Variants in ERBB4 observed in about 807,000 individuals in gnomAD.
ERBB4 encodes the protein receptor tyrosine-protein kinase erbB-4.
Under a neutral mutation model 158.0 loss-of-function variants are expected in ERBB4, and 42 were observed. The observed-to-expected ratio is 0.27, with a 90% CI of 0.21 to 0.34. The LOEUF (loss-of-function observed/expected upper bound fraction) is 0.34, where lower values mean the gene tolerates loss of function less well. Among genes scored for constraint, ERBB4 ranks in the 10% least tolerant of loss-of-function variants. ERBB4 has a pLI of 1.00. For synonymous variants in ERBB4, 583 were observed against 558.7 expected (o/e 1.04, Z -0.61); for missense variants, 1,333 against 1,624.1 (o/e 0.82, Z 3.08).
At position 212,398,779 on chromosome 2, in the gene ERBB4, TA is replaced by T. The variant is rs556487572; in HGVS notation, c.82+139669del. Among the ~76,000 whole-genome samples the T allele has an allele frequency of 6.0e-3, 911 of 151,204 alleles. 6 individuals carry two copies. Among genetic ancestry groups the T allele is most frequent in the Middle Eastern group, 0.017 (5 of 294 alleles). ...AAGCATTTAATGAGGAATCTCATCT[TA>T]AAAAAAAAGTGATTACACCAACTCA... On this transcript the variant is annotated intron_variant, in intron 1 of 27. Transcript: ENST00000342788.
chr2:211,626,969 G>T (rs1574882553), intron 17 of ERBB4, among the ~76,000 whole-genome samples: 1 of 124,906 alleles, frequency 8.0e-6, no homozygotes, highest in East Asian at 2.4e-4. Flanking sequence ...AAAAAAAAAA[G>T]TGTGTGTTTA....
chr2:211,639,000 A>G (rs978423851), intron 16 of ERBB4, among the ~76,000 whole-genome samples: 17 of 152,126 alleles, frequency 1.1e-4, no homozygotes, highest in African/African-American at 3.4e-4. Context: ...GAATTTCTAC[A>G]CCCAGGATTT....
chr2:211,833,240 A>T (rs1481770003), intron 3 of ERBB4, among the ~76,000 whole-genome samples: 2 of 152,056 alleles, frequency 1.3e-5, no homozygotes, highest in Non-Finnish European at 2.9e-5. Context: ...GCACATAAGT[A>T]CTCTAGAAAT....
chr2:211,508,865 G>C (rs1376528132), intron 20 of ERBB4, among the ~76,000 whole-genome samples: 1 of 152,072 alleles, frequency 6.6e-6, no homozygotes, highest in African/African-American at 2.4e-5. Flanking sequence ...AGGAGGCGGA[G>C]CTTGCAGTGA....
At chr2:212,256,476 A>G (rs1362905242) in intron 1 of ERBB4, among the ~76,000 whole-genome samples, 2 of 152,156 alleles carry the variant, frequency 1.3e-5, no homozygotes, top group Non-Finnish European at 2.9e-5. Flanking sequence ...TGCATTACCA[A>G]AATGGAAATG....
At chr2:211,387,519 GA>G (rs1298885383) in intron 26 of ERBB4, among the ~76,000 whole-genome samples, 1 of 152,082 alleles carries the variant, frequency 6.6e-6, no homozygotes, top group East Asian at 1.9e-4. Context: ...TTGTCATTAA[GA>G]ATAGAAGTAC....
At chr2:211,519,151 TGG>T (rs1231175167) in intron 20 of ERBB4, among the ~76,000 whole-genome samples, 1 of 152,102 alleles carries the variant, frequency 6.6e-6, no homozygotes, top group Non-Finnish European at 1.5e-5. Context: ...CCAAGCATCT[TGG>T]TGGTAAATGA....
chr2:212,452,188 C>T (rs972488), intron 1 of ERBB4, among the ~76,000 whole-genome samples: 19,291 of 151,940 alleles, frequency 0.13, 1,353 homozygotes, highest in Non-Finnish European at 0.16. Flanking sequence ...TCATGCCAGC[C>T]TAATGACCTT....
intron 1 of ERBB4, among the ~76,000 whole-genome samples, chr2:212,452,105 G>A (rs1407506361): frequency 6.6e-6 from 1 of 151,272 alleles, no homozygotes; most frequent in Non-Finnish European, 1.5e-5. Flanking sequence ...AATGTCATGA[G>A]TAGAGCAGAA....
At chr2:211,999,309 A>C (rs895478246) in intron 2 of ERBB4, among the ~76,000 whole-genome samples, 4 of 151,826 alleles carry the variant, frequency 2.6e-5, no homozygotes, top group African/African-American at 7.2e-5. Flanking sequence ...ATTAGCATCA[A>C]TCAATTTTTT....
At chr2:211,915,019 G>A (rs2079648283) in intron 3 of ERBB4, among the ~76,000 whole-genome samples, 1 of 152,108 alleles carries the variant, frequency 6.6e-6, no homozygotes, top group South Asian at 2.1e-4. Flanking sequence ...GCAGGCATGT[G>A]AAAAGGTTAG....
At chr2:211,983,679 T>C (rs1211273023) in intron 2 of ERBB4, among the ~76,000 whole-genome samples, 1 of 152,140 alleles carries the variant, frequency 6.6e-6, no homozygotes, top group Non-Finnish European at 1.5e-5. Flanking sequence ...TGACATTTGG[T>C]TTAAAGTGTT....
intron 13 of ERBB4, among the ~76,000 whole-genome samples, chr2:211,676,470 A>C (rs1352155275): frequency 6.6e-6 from 1 of 152,214 alleles, no homozygotes; most frequent in African/African-American, 2.4e-5. Flanking sequence ...TAGAAATGAG[A>C]TAGAAACTGG....
At chr2:211,516,837 T>A (rs2066047229) in intron 20 of ERBB4, among the ~76,000 whole-genome samples, 1 of 152,038 alleles carries the variant, frequency 6.6e-6, no homozygotes, top group Admixed American at 6.5e-5. Context: ...TGAGTAACAG[T>A]GATGTGACCA....
At chr2:212,499,742 A>T (rs945516281) in intron 1 of ERBB4, among the ~76,000 whole-genome samples, 4 of 152,120 alleles carry the variant, frequency 2.6e-5, no homozygotes, top group African/African-American at 9.6e-5. Context: ...GAAATTTGGT[A>T]AAGAAGCTGG....
At chr2:212,164,287 T>C (rs1415241493) in intron 1 of ERBB4, among the ~76,000 whole-genome samples, 2 of 86,628 alleles carry the variant, frequency 2.3e-5, no homozygotes, top group Non-Finnish European at 5.3e-5. Flanking sequence ...CAAAGACGTA[T>C]GATATTTTTA....
At chr2:212,388,703 C>T (rs550250672) in intron 1 of ERBB4, among the ~76,000 whole-genome samples, 3 of 152,120 alleles carry the variant, frequency 2.0e-5, no homozygotes, top group Admixed American at 6.6e-5. Context: ...TGAGAAATGT[C>T]GTCATTGTGG....
intron 2 of ERBB4, among the ~76,000 whole-genome samples, chr2:212,044,171 A>G (rs2077203908): frequency 6.6e-6 from 1 of 152,228 alleles, no homozygotes; most frequent in Middle Eastern, 3.4e-3. Context: ...ATATTTTTCC[A>G]TGATACCATT....
At chr2:212,079,217 C>A (rs1220389377) in intron 2 of ERBB4, among the ~76,000 whole-genome samples, 2 of 68,648 alleles carry the variant, frequency 2.9e-5, no homozygotes, top group Non-Finnish European at 9.0e-5. Context: ...AGAGCAATTG[C>A]CAAATTTCAC....
Sources: allele counts gnomAD v4.1 joint callset (sites outside exome capture counted in the v4.1 genomes callset), GRCh38; gene constraint gnomAD v4.1.1; transcripts MANE v1.5; gene names NCBI Gene and HGNC (gene_info 2026-07-23, HGNC 2026-07-21).